The following ABCC6 variants were observed in gnomAD, a reference collection of about 807,000 sequenced individuals.
The protein encoded by ABCC6 is ATP binding cassette subfamily C member 6.
ABCC6 carries 126 observed loss-of-function variants against 169.5 expected under a neutral mutation model. That is an observed-to-expected ratio of 0.74 (90% CI 0.64 to 0.86). ABCC6 has a LOEUF of 0.86. Among genes scored for constraint, ABCC6 ranks in the 40% least tolerant of loss-of-function variants. The pLI is 0.00. For synonymous variants in ABCC6, 752 were observed against 814.7 expected, an observed-to-expected ratio of 0.92 and a Z score of 1.31; for missense variants, 1,733 against 1,927.2, an observed-to-expected ratio of 0.90 and a Z score of 1.89.
In ABCC6 at chr16:16,159,571, G is replaced by GT; in HGVS notation, c.3645dup (p.Leu1216ThrfsTer62). The stretch of plus-strand genomic sequence containing the variant: ...GTCCAGTTGCGAACAACCCACTGCA[G>GT]TGTCTGGGTCACCTGGTGCAAGAAA... On this transcript the variant is annotated frameshift_variant, in exon 26 of 31. Transcript: ENST00000205557. LOFTEE classifies it high-confidence loss of function. The GT allele has an allele frequency of 6.2e-7, 1 of 1,614,162 alleles. No individual in the cohort carries two copies. The highest frequency in any genetic ancestry group is 1.3e-5 in the African/African-American group (1 of 75,058).
chr16:16,211,648 G>A (rs1596746337), intron 6 of ABCC6, among the ~76,000 whole-genome samples: 2 of 152,278 alleles, frequency 1.3e-5, no homozygotes, highest in South Asian at 4.1e-4. Flanking sequence ...TGAATGCCGT[G>A]TGGTTAGGAG....
At chr16:16,217,162 T>G (rs1330818805) in intron 4 of ABCC6, among the ~76,000 whole-genome samples, 4 of 152,236 alleles carry the variant, frequency 2.6e-5, no homozygotes, top group Admixed American at 1.3e-4. Context: ...CTACTGGATT[T>G]TATACTCTTC....
At chr16:16,164,104 G>C (rs368075189) in intron 23 of ABCC6, among the ~76,000 whole-genome samples, 1 of 152,100 alleles carries the variant, frequency 6.6e-6, no homozygotes, top group African/African-American at 2.4e-5. Context: ...TGCAATCTCA[G>C]CTCGCTGCAA....
At chr16:16,188,698 C>G (rs1190566553) in intron 13 of ABCC6, 133 bp downstream of exon 13, 15 of 1,313,012 alleles carry the variant, frequency 1.1e-5, no homozygotes, top group East Asian at 1.0e-4. Context: ...CGCCTCTTTT[C>G]CAGCTCCACA....
At chr16:16,187,241 G>A (rs1275705653) in intron 13 of ABCC6, 30 bp from the exon 14 acceptor site, 2 of 1,583,902 alleles carry the variant, frequency 1.3e-6, no homozygotes, top group South Asian at 2.2e-5. Flanking sequence ...AGGTCACCCA[G>A]CAAGAAGAGC....
chr16:16,197,045 A>G (rs111336234), intron 10 of ABCC6, among the ~76,000 whole-genome samples: 19 of 152,266 alleles, frequency 1.2e-4, no homozygotes, highest in African/African-American at 4.3e-4. Flanking sequence ...ACGTTAAAGG[A>G]ATGAAGTTGG....
At chr16:16,159,458 C>G in intron 26 of ABCC6, 24 bp downstream of exon 26, 1 of 1,610,260 alleles carries the variant, frequency 6.2e-7, no homozygotes, top group Admixed American at 1.7e-5. Flanking sequence ...TGCTGGGACC[C>G]CCTCCCCACC....
rs569102957 is a variant in ABCC6 at position 16,154,539 on chromosome 16, G to T, written c.4208+89C>A. 1.3e-5 allele frequency: 20 copies of T among 1,506,314 alleles called. No homozygotes were observed. The East Asian group carries it at 4.4e-4, about 33-fold the overall frequency. 93.3% of individuals were successfully genotyped at this position (1,506,314 alleles called of 1,614,324 possible). A position where few individuals can be genotyped will look rare whatever the true frequency, so the allele number is the denominator to read the frequency against. On this transcript the variant is annotated intron_variant, in intron 29 of 30. Coordinates refer to ENST00000205557, the MANE Select transcript of ABCC6 (RefSeq NM_001171.6). ...TGTAACAGAGTGATAATCCTATCGGGGGAGGCATTTCCTGAAGGCCCTTGG... is the reference window on the plus strand; with the variant it reads ...TGTAACAGAGTGATAATCCTATCGGTGGAGGCATTTCCTGAAGGCCCTTGG...
intron 6 of ABCC6, among the ~76,000 whole-genome samples, chr16:16,210,356 C>T (rs1299034499): frequency 6.6e-6 from 1 of 152,012 alleles, no homozygotes; most frequent in Non-Finnish European, 1.5e-5. Flanking sequence ...AGGCTGGTCT[C>T]GAAATCCTGA....
chr16:16,159,437 C>T, intron 26 of ABCC6, 45 bp downstream of exon 26: 1 of 1,528,584 alleles, frequency 6.5e-7, no homozygotes, highest in South Asian at 1.1e-5. Context: ...CCCCCCCCCA[C>T]AATATGTCCT....
chr16:16,208,693 A>G, intron 7 of ABCC6, 35 bp downstream of exon 7: 1 of 1,613,532 alleles, frequency 6.2e-7, no homozygotes, highest in Non-Finnish European at 8.5e-7. Flanking sequence ...TTTCTGAAGT[A>G]GCATCAGGTG....
intron 27 of ABCC6, among the ~76,000 whole-genome samples, chr16:16,157,032 G>A (rs1317876112): frequency 6.6e-6 from 1 of 151,876 alleles, no homozygotes; most frequent in African/African-American, 2.4e-5. Context: ...GAGAGGACAG[G>A]GAGGAAGCCT....
At chr16:16,170,563 G>T (rs879553425) in intron 21 of ABCC6, among the ~76,000 whole-genome samples, 1 of 152,118 alleles carries the variant, frequency 6.6e-6, no homozygotes, top group Admixed American at 6.6e-5. Flanking sequence ...AGCCAGACGG[G>T]ACTGTTGAAA....
intron 10 of ABCC6, among the ~76,000 whole-genome samples, chr16:16,196,616 C>T (rs746989294): frequency 5.9e-5 from 9 of 152,176 alleles, no homozygotes; most frequent in Non-Finnish European, 1.2e-4. Flanking sequence ...GAGTAGGGTC[C>T]TTGCACACAG....
chr16:16,172,776 C>T (rs1035402907), intron 21 of ABCC6, among the ~76,000 whole-genome samples: 1 of 152,234 alleles, frequency 6.6e-6, no homozygotes, highest in African/African-American at 2.4e-5. Context: ...GGCACAGTGG[C>T]TCACACCTGT....
At position 16,169,639 on chromosome 16, in the gene ABCC6, G is replaced by A; in HGVS notation, c.2995+7C>T. ...GGAGAGGGATGAGGAGGGCAGGTGA[G>A]GCGTACCTTGGAGACAGCCGAGGAG... On this transcript the variant is annotated splice_region_variant and intron_variant, in intron 22 of 30. Transcript: ENST00000205557. 1.9e-6 allele frequency: 3 copies of A among 1,610,326 alleles called. No individual in the cohort carries two copies. The highest frequency in any genetic ancestry group is 2.5e-6 in the Non-Finnish European group (3 of 1,179,562).
At chr16:16,191,795 C>T (rs6498617) in intron 11 of ABCC6, among the ~76,000 whole-genome samples, 105,504 of 150,796 alleles carry the variant, frequency 0.7, 37,044 homozygotes, top group East Asian at 0.74. Context: ...TCCCCTCCCT[C>T]CTTCCTCTCC....
At position 16,182,529 on chromosome 16, in the gene ABCC6, ATT is replaced by A; in HGVS notation, c.2128_2129del (p.Asn710CysfsTer30). ...AWVQNTSVVENVCFGQELDPP... is the reference protein window; with the variant it reads ...AWVQNTSVVEXVCFGQELDPP... ...GGTCCAGCTCCTGCCCGAAGCACAC[ATT>A]CTCTACCACAGAGGTGTTCTGCACC... On this transcript the variant is annotated frameshift_variant, in exon 17 of 31. Transcript: ENST00000205557. LOFTEE classifies it high-confidence loss of function. 1 of 1,614,192 alleles carries A rather than the reference ATT, an allele frequency of 6.2e-7. No individual in the cohort carries two copies. Among genetic ancestry groups the A allele is most frequent in the East Asian group, 2.2e-5 (1 of 44,872 alleles).
chr16:16,202,013 C>G lies in ABCC6; in HGVS notation c.1164G>C (p.Leu388=). Reference sequence around the variant, plus strand: ...CCCCAGGGCTCACCTTTCTGTACACCAGGCCAGTGATGGCCGACCGCAACC... The same window carrying G: ...CCCCAGGGCTCACCTTTCTGTACACGAGGCCAGTGATGGCCGACCGCAACC... ...QMRLRSAITG[L]VYRKVLALSS... The change falls in exon 9 of 31, where the codon CTG becomes CTC. Residue 388 remains leucine (L), a synonymous_variant. Coordinates refer to ENST00000205557, the MANE Select transcript of ABCC6 (RefSeq NM_001171.6). 1.2e-6 allele frequency: 2 copies of G among 1,614,014 alleles called. No individual in the cohort carries two copies. Among genetic ancestry groups the G allele is most frequent in the Non-Finnish European group, 1.7e-6 (2 of 1,179,878 alleles).
Sources: allele counts gnomAD v4.1 joint callset (sites outside exome capture counted in the v4.1 genomes callset), GRCh38; gene constraint gnomAD v4.1.1; transcripts MANE v1.5; gene names NCBI Gene and HGNC (gene_info 2026-07-23, HGNC 2026-07-21).